The following STK11IP variants were observed in gnomAD, a reference collection of about 807,000 sequenced individuals.
STK11IP encodes serine/threonine-protein kinase 11-interacting protein.
In STK11IP, 103 loss-of-function variants were observed where a neutral mutation model predicts 131.7. The ratio of observed to expected loss-of-function variants is 0.78; its 90% CI spans 0.67 to 0.92. STK11IP has a LOEUF of 0.92. Ranked by LOEUF, STK11IP falls within the 40% of genes least tolerant of loss-of-function variation. The pLI, the probability that STK11IP is intolerant of heterozygous loss-of-function variation, is 0.00. For missense variants in STK11IP, 1,315 were observed against 1,385.7 expected, an observed-to-expected ratio of 0.95 and a Z score of 0.81; for synonymous variants, 557 against 575.6, an observed-to-expected ratio of 0.97 and a Z score of 0.46.
chr2:219,608,036 C>G lies in STK11IP; in HGVS notation c.1220-11C>G. 5 of 1,606,830 alleles carry G rather than the reference C, an allele frequency of 3.1e-6. No homozygotes were observed. The East Asian group carries it at 6.7e-5, about 22-fold the overall frequency. On this transcript the variant is annotated splice_polypyrimidine_tract_variant and intron_variant, in intron 13 of 24. Coordinates refer to ENST00000456909, the MANE Select transcript of STK11IP (RefSeq NM_052902.4). ...CAGGCTTGCTCAGTTCTGGGTTCCC[C>G]TCCTGCCTAGGATGGTTCGTGCAGC...
chr2:219,614,413 C>G, intron 22 of STK11IP, 63 bp from the exon 23 acceptor site: 2 of 1,575,578 alleles, frequency 1.3e-6, no homozygotes, highest in East Asian at 2.2e-5. Flanking sequence ...CTTCCCACTC[C>G]CCTCTCTTCA....
intron 14 of STK11IP, 62 bp downstream of exon 14, chr2:219,608,492 T>G (rs1698277675): frequency 6.5e-7 from 1 of 1,533,726 alleles, no homozygotes; most frequent in African/African-American, 1.4e-5. Context: ...TTGTGAGTGG[T>G]GGGGCCTGGC....
At position 219,609,553 on chromosome 2, in the gene STK11IP, C is replaced by G; in HGVS notation, c.2104+13C>G. 1 of 1,554,436 alleles carries G rather than the reference C, an allele frequency of 6.4e-7. No individual in the cohort carries two copies. Among genetic ancestry groups the G allele is most frequent in the South Asian group, 1.2e-5 (1 of 84,304 alleles). On this transcript the variant is annotated intron_variant, in intron 17 of 24. Transcript: ENST00000456909. ...TTCCAAAAGACAGGTACAAGTCCTGCCCTTGACCTCTCTGCCCACACGCCT... is the reference window on the plus strand; with the variant it reads ...TTCCAAAAGACAGGTACAAGTCCTGGCCTTGACCTCTCTGCCCACACGCCT...
In STK11IP at chr2:219,616,189, G is replaced by A. The variant is rs1453716602; in HGVS notation, c.3263G>A (p.Arg1088Gln). ...ATCCAAGAGGCGCTGGCCCTTGACC[G>A]ATGAGGGTCCCACGCTGACCTTGGC... ...TVIQEALALD[R>Q] Residue 1088 changes from arginine (R) to glutamine (Q), a missense_variant, in exon 25 of 25, where the codon CGA (arginine) becomes CAA (glutamine). Coordinates refer to ENST00000456909, the MANE Select transcript of STK11IP (RefSeq NM_052902.4). The A allele has an allele frequency of 1.9e-6, 3 of 1,612,958 alleles. No homozygotes were observed. The highest frequency in any genetic ancestry group is 2.5e-6 in the Non-Finnish European group (3 of 1,179,572).
intron 17 of STK11IP, chr2:219,609,744 G>GTTTTT: frequency 2.5e-6 from 1 of 394,090 alleles, no homozygotes; most frequent in Admixed American, 3.7e-5. Context: ...ACTATATCCT[G>GTTTTT]TTTTTTTTTT....
At chr2:219,598,696 AG>A (rs1403663357) in intron 2 of STK11IP, among the ~76,000 whole-genome samples, 1 of 152,222 alleles carries the variant, frequency 6.6e-6, no homozygotes, top group Non-Finnish European at 1.5e-5. Context: ...AATGCCTGCA[AG>A]TATAGTAACT....
chr2:219,613,630 G>A, intron 20 of STK11IP, 122 bp from the exon 21 acceptor site: 4 of 1,085,676 alleles, frequency 3.7e-6, no homozygotes, highest in Middle Eastern at 2.1e-4. Context: ...GGGGGAAGAT[G>A]GGGTGTGGTG....
chr2:219,608,519 C>T (rs1268477653), intron 14 of STK11IP, 64 bp from the exon 15 acceptor site: 30 of 1,537,634 alleles, frequency 2.0e-5, no homozygotes, highest in African/African-American at 2.7e-5. Context: ...AGGGCCAGTT[C>T]GGGGGAGGGC....
At position 219,602,853 on chromosome 2, in the gene STK11IP, C is replaced by G. The variant is rs1698036532; in HGVS notation, c.618+77C>G. On this transcript the variant is annotated intron_variant, in intron 7 of 24. Coordinates refer to ENST00000456909, the MANE Select transcript of STK11IP (RefSeq NM_052902.4). ...GCTCTCACTCTCTCTCCTTGACCAGCTTTTACTCCCACCTTGCTCTTGCCA... is the reference window on the plus strand; with the variant it reads ...GCTCTCACTCTCTCTCCTTGACCAGGTTTTACTCCCACCTTGCTCTTGCCA... 4 of 1,391,752 alleles carry G rather than the reference C, an allele frequency of 2.9e-6. No individual in the cohort carries two copies. The East Asian group carries it at 7.3e-5, about 25-fold the overall frequency. 86.2% of individuals were successfully genotyped at this position (1,391,752 alleles called of 1,614,324 possible). A position where few individuals can be genotyped will look rare whatever the true frequency, so the allele number is the denominator to read the frequency against.
At chr2:219,605,177 T>C (rs1698111000) in intron 7 of STK11IP, among the ~76,000 whole-genome samples, 1 of 152,138 alleles carries the variant, frequency 6.6e-6, no homozygotes, top group African/African-American at 2.4e-5. Flanking sequence ...AGGGGAATGG[T>C]AGGGCCTTGA....
At chr2:219,610,889 T>C (rs1698374584) in intron 17 of STK11IP, among the ~76,000 whole-genome samples, 1 of 152,198 alleles carries the variant, frequency 6.6e-6, no homozygotes, top group African/African-American at 2.4e-5. Context: ...CTGGGCAGCA[T>C]GTGTAAATGA....
rs1385328028 is a variant in STK11IP, at chr2:219,613,777, C to T, written c.2563C>T (p.Leu855=). 5.6e-6 allele frequency: 9 copies of T among 1,612,256 alleles called. No individual in the cohort carries two copies. Among genetic ancestry groups the T allele is most frequent in the Non-Finnish European group, 6.8e-6 (8 of 1,179,660 alleles). The change falls in exon 21 of 25, where the codon CTG becomes TTG. Residue 855 remains leucine, a synonymous_variant. Transcript: ENST00000456909. The stretch of plus-strand genomic sequence containing the variant: ...TGAGCCTCCAGCTAGCTGGCTGCAG[C>T]TGACCCTGGCTGTTCCCCTGCAGGA... ...MREPPASWLQ[L]TLAVPLQDLS...
Position 219,616,330 on chromosome 2 carries a change from G to T in STK11IP, c.*137G>T, listed in dbSNP as rs1009403131. 5.1e-6 allele frequency: 6 copies of T among 1,172,148 alleles called. No individual in the cohort carries two copies. Among genetic ancestry groups the T allele is most frequent in the Non-Finnish European group, 7.0e-6 (6 of 852,178 alleles). 72.6% of individuals were successfully genotyped at this position (1,172,148 alleles called of 1,614,324 possible). A position where few individuals can be genotyped will look rare whatever the true frequency, so the allele number is the denominator to read the frequency against. On this transcript the variant is annotated 3_prime_UTR_variant, in exon 25 of 25. Transcript: ENST00000456909. ...GGTGCTGGCCAGTGAGGTCCCAAATGACCCAGGGCTTAAGGGAGAGGCGAG... is the reference window on the plus strand; with the variant it reads ...GGTGCTGGCCAGTGAGGTCCCAAATTACCCAGGGCTTAAGGGAGAGGCGAG...
chr2:219,613,716 C>G (rs1698481553), intron 20 of STK11IP, 36 bp from the exon 21 acceptor site: 3 of 1,611,586 alleles, frequency 1.9e-6, no homozygotes, highest in Non-Finnish European at 2.5e-6. Context: ...ACTCCACTCT[C>G]ATGCTTCTCC....
At position 219,614,409 on chromosome 2, in the gene STK11IP, A is replaced by G. The variant is rs551662266; in HGVS notation, c.2799-67A>G. 43 of 1,567,186 alleles carry G rather than the reference A, an allele frequency of 2.7e-5. No individual in the cohort carries two copies. The African/African-American group carries it at 5.9e-4, about 21-fold the overall frequency. ...CAACCCCCTGCAGGGCTTTCTTCCC[A>G]CTCCCCTCTCTTCAAGTCCTTCCCA... On this transcript the variant is annotated intron_variant, in intron 22 of 24. Transcript: ENST00000456909.
intron 19 of STK11IP, among the ~76,000 whole-genome samples, chr2:219,612,573 C>T (rs1352535025): frequency 6.6e-6 from 1 of 152,150 alleles, no homozygotes; most frequent in Non-Finnish European, 1.5e-5. Context: ...TGTCTAAGCT[C>T]AGTCTTGAAG....
chr2:219,612,961 C>T (rs576730103), intron 19 of STK11IP, 167 bp from the exon 20 acceptor site: 14 of 598,848 alleles, frequency 2.3e-5, no homozygotes, highest in East Asian at 8.7e-5. Context: ...AGGCAGAGAG[C>T]GGTGGTGGAT....
At chr2:219,612,160 C>G in intron 19 of STK11IP, 102 bp downstream of exon 19, 2 of 1,086,430 alleles carry the variant, frequency 1.8e-6, no homozygotes, top group African/African-American at 1.6e-5. Flanking sequence ...GAGACCTGAT[C>G]TGGCTTCTGG....
rs764470301 is a variant in STK11IP at position 219,597,920 on chromosome 2, T to G, written c.-30T>G. The G allele has an allele frequency of 1.1e-5, 17 of 1,612,132 alleles. No homozygotes were observed. In the East Asian group the frequency reaches 3.6e-4, roughly 34 times the overall value. On this transcript the variant is annotated 5_prime_UTR_variant, in exon 1 of 25. Transcript: ENST00000456909. ...CTGGTAGGAGGACCAGACGGGGAGG[T>G]TCGGTATGTCTGACCAGGACTTATG...
Sources: gnomAD v4.1 joint callset for allele counts (sites outside exome capture counted in the v4.1 genomes callset) on GRCh38, gnomAD v4.1.1 for gene constraint, MANE v1.5 for transcripts, NCBI Gene and HGNC (gene_info 2026-07-23, HGNC 2026-07-21) for gene names.